NAMPT: variants seen among roughly 807,000 people sequenced by gnomAD.
The protein encoded by NAMPT is nicotinamide phosphoribosyltransferase.
Under a neutral mutation model 58.7 loss-of-function variants are expected in NAMPT, and 7 were observed. That is an observed-to-expected ratio of 0.12 (90% CI 0.07 to 0.22). The LOEUF (loss-of-function observed/expected upper bound fraction) is 0.22, where lower values mean the gene tolerates loss of function less well. Ranked by LOEUF, NAMPT falls within the 10% of genes least tolerant of loss-of-function variation. NAMPT has a pLI of 1.00. For synonymous variants in NAMPT, 145 were observed against 198.1 expected (o/e 0.73, Z 2.25); for missense variants, 271 against 567.9 (o/e 0.48, Z 5.31).
intron 8 of NAMPT, among the ~76,000 whole-genome samples, chr7:106,256,644 T>C (rs1048915877): frequency 6.6e-6 from 1 of 152,210 alleles, no homozygotes; most frequent in Non-Finnish European, 1.5e-5. Context: ...TATTCAACAC[T>C]TTACTATAAA....
chr7:106,258,033 T>A (rs1275362218), intron 8 of NAMPT, among the ~76,000 whole-genome samples: 1 of 152,218 alleles, frequency 6.6e-6, no homozygotes, highest in Non-Finnish European at 1.5e-5. Context: ...GTGTGTCAGC[T>A]GAGATTGCTA....
intron 1 of NAMPT, among the ~76,000 whole-genome samples, chr7:106,280,994 C>G (rs148674573): frequency 6.6e-6 from 1 of 150,402 alleles, no homozygotes. Context: ...TTTAACATAA[C>G]TCTTCAGTTG....
At chr7:106,257,902 T>C (rs747614499) in intron 8 of NAMPT, among the ~76,000 whole-genome samples, 1 of 151,864 alleles carries the variant, frequency 6.6e-6, no homozygotes, top group South Asian at 2.1e-4. Flanking sequence ...GGGGTGTGTG[T>C]GTGTGTCTGT....
intron 8 of NAMPT, among the ~76,000 whole-genome samples, chr7:106,255,866 G>A (rs1401594005): frequency 6.6e-6 from 1 of 152,028 alleles, no homozygotes; most frequent in East Asian, 1.9e-4. Context: ...GTAGATGGAG[G>A]GTAAGGTAAA....
intron 1 of NAMPT, among the ~76,000 whole-genome samples, chr7:106,282,484 G>A (rs1792785528): frequency 6.6e-6 from 1 of 152,130 alleles, no homozygotes; most frequent in South Asian, 2.1e-4. Flanking sequence ...TGGATAATGC[G>A]GTTTAAACGG....
intron 4 of NAMPT, among the ~76,000 whole-genome samples, chr7:106,270,836 C>T (rs1215496624): frequency 2.0e-5 from 3 of 152,184 alleles, no homozygotes; most frequent in Admixed American, 6.5e-5. Flanking sequence ...GAGCAGCAGA[C>T]GACCATCCAG....
At chr7:106,277,288 T>A (rs1792665378) in intron 1 of NAMPT, 109 bp from the exon 2 acceptor site, 2 of 928,302 alleles carry the variant, frequency 2.2e-6, no homozygotes, top group African/African-American at 3.3e-5. Context: ...ATTTCTTGTT[T>A]GCTATTAACC....
rs370921518 is a variant in NAMPT, at chr7:106,284,890, G to C, written c.-6C>G. ...GCTTCTGCCGCAGGATTCATCTCGG[G>C]CCGGAGGACAGGGGCCGCGCGCCGC... On this transcript the variant is annotated 5_prime_UTR_variant, in exon 1 of 11. Transcript: ENST00000222553. The C allele has an allele frequency of 3.2e-6, 5 of 1,583,520 alleles. No homozygotes were observed. In the African/African-American group the frequency reaches 6.7e-5, roughly 21 times the overall value.
At chr7:106,272,881 G>C (rs1792563284) in intron 3 of NAMPT, among the ~76,000 whole-genome samples, 1 of 152,114 alleles carries the variant, frequency 6.6e-6, no homozygotes, top group Non-Finnish European at 1.5e-5. Context: ...GTTTAATGCT[G>C]CCACGTGCTT....
At position 106,249,550 on chromosome 7, in the gene NAMPT, TC is replaced by T. The variant is rs1792073304; in HGVS notation, c.*1532del. 1 of 152,108 alleles carries T rather than the reference TC, an allele frequency of 6.6e-6. No individual in the cohort carries two copies. Among genetic ancestry groups the T allele is most frequent in the Non-Finnish European group, 1.5e-5 (1 of 67,974 alleles). The allele number at this position is 152,108 out of a possible 1,614,324, so 9.4% of individuals were successfully genotyped here. On this transcript the variant is annotated 3_prime_UTR_variant, in exon 11 of 11. Transcript: ENST00000222553. The stretch of plus-strand genomic sequence containing the variant: ...CCTCCCTTCCCTAGAAACCAACATT[TC>T]CTTTTAAATGCAAGGCACACTCCTT...
At chr7:106,270,846 G>A (rs1792517538) in intron 4 of NAMPT, among the ~76,000 whole-genome samples, 1 of 152,194 alleles carries the variant, frequency 6.6e-6, no homozygotes, top group African/African-American at 2.4e-5. Context: ...CGACCATCCA[G>A]TCAACCACAG....
At chr7:106,267,345 C>T (rs1375693002) in intron 6 of NAMPT, among the ~76,000 whole-genome samples, 1 of 152,090 alleles carries the variant, frequency 6.6e-6, no homozygotes, top group East Asian at 1.9e-4. Context: ...CTTGTTGCAC[C>T]CAGTAGACTG....
chr7:106,282,673 C>T (rs1210089999), intron 1 of NAMPT, among the ~76,000 whole-genome samples: 1 of 152,232 alleles, frequency 6.6e-6, no homozygotes, highest in Admixed American at 6.5e-5. Flanking sequence ...CAAAACAAAA[C>T]TCCCATTGTC....
chr7:106,252,394 C>T (rs1792119679), intron 10 of NAMPT, among the ~76,000 whole-genome samples: 1 of 151,904 alleles, frequency 6.6e-6, no homozygotes, highest in South Asian at 2.1e-4. Context: ...GTAAAAGTAA[C>T]ATGTTATAAG....
chr7:106,285,291 G>C (rs575958039), upstream of NAMPT: 2 of 691,044 alleles, frequency 2.9e-6, no homozygotes, highest in African/African-American at 1.9e-5. Flanking sequence ...CAGCGGGGCA[G>C]CCCCGGCGCG....
At chr7:106,285,596 C>G (rs1030829650), upstream of NAMPT, 2 of 985,814 alleles carry the variant, frequency 2.0e-6, no homozygotes, top group African/African-American at 3.5e-5. Context: ...CCTCTTGTCC[C>G]TCCTGATCCT....
At chr7:106,285,228 G>C (rs1313897674), upstream of NAMPT, 8 of 1,027,648 alleles carry the variant, frequency 7.8e-6, no homozygotes, top group African/African-American at 1.2e-4. Flanking sequence ...GCGGGGAGGA[G>C]GACGTGATGC....
intron 6 of NAMPT, among the ~76,000 whole-genome samples, chr7:106,264,848 G>A (rs1792379620): frequency 6.6e-6 from 1 of 151,212 alleles, no homozygotes; most frequent in Admixed American, 6.6e-5. Context: ...CAGACTTTAT[G>A]TCTGAAATAA....
intron 6 of NAMPT, 123 bp from the exon 7 acceptor site, chr7:106,263,740 C>T: frequency 1.3e-6 from 1 of 772,314 alleles, no homozygotes; most frequent in African/African-American, 1.7e-5. Context: ...AGGTGAGTGA[C>T]TTAGTTTAAT....
Sources: allele counts gnomAD v4.1 joint callset (sites outside exome capture counted in the v4.1 genomes callset), GRCh38; gene constraint gnomAD v4.1.1; transcripts MANE v1.5; gene names NCBI Gene and HGNC (gene_info 2026-07-23, HGNC 2026-07-21).